Variants in FAF1 observed in about 807,000 individuals in gnomAD.
FAF1 encodes the protein FAS-associated factor 1.
FAF1 carries 25 observed loss-of-function variants against 92.5 expected under a neutral mutation model. That is an observed-to-expected ratio of 0.27 (90% confidence interval 0.20 to 0.38). FAF1 has a LOEUF of 0.38. Among genes scored for constraint, FAF1 ranks in the 10% least tolerant of loss-of-function variants. FAF1 has a pLI of 1.00. For synonymous variants in FAF1, 234 were observed against 273.2 expected, an observed-to-expected ratio of 0.86 and a Z score of 1.42; for missense variants, 636 against 793.3, an observed-to-expected ratio of 0.80 and a Z score of 2.38.
intron 15 of FAF1, among the ~76,000 whole-genome samples, chr1:50,501,283 A>AG (rs1480549238): frequency 6.6e-6 from 1 of 152,248 alleles, no homozygotes; most frequent in Non-Finnish European, 1.5e-5. Context: ...ATGTCGAAAA[A>AG]TAAATGCTGT....
chr1:50,597,115 T>TAAAG (rs34455353), intron 8 of FAF1, among the ~76,000 whole-genome samples: 4,389 of 150,194 alleles, frequency 0.029, 134 homozygotes, highest in Admixed American at 0.11. Context: ...AGTTTATGGG[T>TAAAG]AAAGCAATGA....
chr1:50,846,552 T>C (rs1644302373), intron 2 of FAF1: 1 of 515,582 alleles, frequency 1.9e-6, no homozygotes, highest in Non-Finnish European at 3.9e-6. Flanking sequence ...ATAGAGGTTC[T>C]GATGGAAAAA....
At chr1:50,491,839 C>G in intron 15 of FAF1, 38 bp from the exon 16 acceptor site, 1 of 1,460,338 alleles carries the variant, frequency 6.8e-7, no homozygotes, top group South Asian at 1.2e-5. Context: ...TGACATATAA[C>G]TTTTTTTTGA....
chr1:50,754,470 C>T (rs914265082), intron 4 of FAF1, among the ~76,000 whole-genome samples: 2 of 152,096 alleles, frequency 1.3e-5, no homozygotes, highest in South Asian at 2.1e-4. Context: ...TCCCACTAAG[C>T]CTTTTGGGTG....
intron 13 of FAF1, among the ~76,000 whole-genome samples, chr1:50,554,488 G>T (rs1208709940): frequency 2.0e-5 from 3 of 150,416 alleles, no homozygotes; most frequent in Non-Finnish European, 4.4e-5. Flanking sequence ...AATGGTTGTA[G>T]TTGTCATCAT....
intron 7 of FAF1, among the ~76,000 whole-genome samples, chr1:50,700,000 G>A (rs1011147321): frequency 4.6e-5 from 7 of 151,928 alleles, no homozygotes; most frequent in African/African-American, 7.3e-5. Flanking sequence ...TTGCTCTTGC[G>A]CCTATATTCA....
intron 6 of FAF1, among the ~76,000 whole-genome samples, chr1:50,712,829 G>C (rs1657994555): frequency 6.6e-6 from 1 of 151,978 alleles, no homozygotes; most frequent in Admixed American, 6.6e-5. Context: ...TGTTGGTTAT[G>C]ATAGTTAGCC....
chr1:50,813,413 T>A (rs578184924), intron 2 of FAF1, among the ~76,000 whole-genome samples: 1 of 152,280 alleles, frequency 6.6e-6, no homozygotes, highest in Admixed American at 6.5e-5. Flanking sequence ...GCATACACAT[T>A]TTTCCAAAAA....
chr1:50,816,553 T>C (rs1643978418), intron 2 of FAF1, among the ~76,000 whole-genome samples: 1 of 152,222 alleles, frequency 6.6e-6, no homozygotes, highest in Non-Finnish European at 1.5e-5. Flanking sequence ...GTTCAAATTT[T>C]TAAGTCCTTT....
intron 4 of FAF1, among the ~76,000 whole-genome samples, chr1:50,768,320 G>C (rs1470850759): frequency 3.9e-5 from 6 of 152,102 alleles, no homozygotes; most frequent in African/African-American, 1.4e-4. Flanking sequence ...TCTACAAAGA[G>C]ACTTAAGATA....
At chr1:50,848,340 C>T (rs1455241308) in intron 2 of FAF1, among the ~76,000 whole-genome samples, 2 of 152,192 alleles carry the variant, frequency 1.3e-5, no homozygotes, top group African/African-American at 4.8e-5. Context: ...AATACAATGC[C>T]GTATAGGGCT....
intron 17 of FAF1, among the ~76,000 whole-genome samples, chr1:50,479,260 C>CCTT (rs1239352419): frequency 6.9e-6 from 1 of 144,240 alleles, no homozygotes; most frequent in Non-Finnish European, 1.5e-5. Context: ...CACTGCTCTA[C>CCTT]CTTCCTCTCT....
intron 1 of FAF1, among the ~76,000 whole-genome samples, chr1:50,901,721 C>T (rs1644798210): frequency 6.6e-6 from 1 of 151,890 alleles, no homozygotes; most frequent in South Asian, 2.1e-4. Flanking sequence ...AAAAATGTGT[C>T]GGGCATGGTG....
At chr1:50,904,280 T>C (rs1316406862) in intron 1 of FAF1, among the ~76,000 whole-genome samples, 1 of 152,184 alleles carries the variant, frequency 6.6e-6, no homozygotes, top group Non-Finnish European at 1.5e-5. Context: ...AAATACTGTA[T>C]GATTCTACTT....
chr1:50,752,748 T>C (rs1448732920), intron 4 of FAF1, among the ~76,000 whole-genome samples: 1 of 152,150 alleles, frequency 6.6e-6, no homozygotes, highest in African/African-American at 2.4e-5. Flanking sequence ...AGTGGGGTGA[T>C]CTCAACTCAC....
intron 15 of FAF1, among the ~76,000 whole-genome samples, chr1:50,495,466 T>C (rs1373354351): frequency 6.6e-6 from 1 of 152,238 alleles, no homozygotes; most frequent in Non-Finnish European, 1.5e-5. Context: ...AGCTGAGTAG[T>C]ACTCTTGTGT....
chr1:50,641,856 G>C (rs1395031521), intron 8 of FAF1, among the ~76,000 whole-genome samples: 1 of 152,094 alleles, frequency 6.6e-6, no homozygotes, highest in Non-Finnish European at 1.5e-5. Flanking sequence ...TCTGTCTTCT[G>C]GATGAAATGA....
intron 15 of FAF1, among the ~76,000 whole-genome samples, chr1:50,503,869 TG>T (rs754609012): frequency 1.1e-4 from 17 of 152,234 alleles, no homozygotes; most frequent in Non-Finnish European, 2.2e-4. Context: ...AGTGGATATG[TG>T]GGACTTGGCT....
At chr1:50,935,691 C>T (rs535336308) in intron 1 of FAF1, among the ~76,000 whole-genome samples, 27 of 149,468 alleles carry the variant, frequency 1.8e-4, no homozygotes, top group Middle Eastern at 7.4e-3. Context: ...CAGGCTGACT[C>T]GAACTCCTGA....
Sources: gnomAD v4.1 joint callset for allele counts (sites outside exome capture counted in the v4.1 genomes callset) on GRCh38, gnomAD v4.1.1 for gene constraint, MANE v1.5 for transcripts, NCBI Gene and HGNC (gene_info 2026-07-23, HGNC 2026-07-21) for gene names.